Variants in CCNT2 observed in about 807,000 individuals in gnomAD.
CCNT2 encodes cyclin T2, also known as cyclin-T2.
In CCNT2, 18 loss-of-function variants were observed where a neutral mutation model predicts 70.0. The observed-to-expected ratio is 0.26, with a 90% confidence interval of 0.18 to 0.38. The LOEUF (loss-of-function observed/expected upper bound fraction) is 0.38, where lower values mean the gene tolerates loss of function less well. CCNT2 is among the 10% of genes least tolerant of loss of function. CCNT2 has a pLI of 1.00. For synonymous variants in CCNT2, 334 were observed against 313.3 expected, an observed-to-expected ratio of 1.07 and a Z score of -0.70; for missense variants, 734 against 890.2, an observed-to-expected ratio of 0.82 and a Z score of 2.23.
intron 2 of CCNT2, among the ~76,000 whole-genome samples, chr2:134,922,879 C>A (rs1680013561): frequency 6.6e-6 from 1 of 152,136 alleles, no homozygotes; most frequent in African/African-American, 2.4e-5. Context: ...ATGGTCTGTT[C>A]TCATAGCACA....
rs541611341 is a variant in CCNT2 at position 134,918,992 on chromosome 2, G to A, written c.138G>A (p.Glu46=). The change falls in exon 1 of 9, where the codon GAG becomes GAA. Residue 46 remains glutamate, a synonymous_variant. Transcript: ENST00000264157. ...CRQQAANLIQ[E]MGQRLNVSQL... Reference sequence around the variant, plus strand: ...AGCAGGCGGCCAACCTCATCCAGGAGATGGGACAGCGTCTCAATGTGTATC... The same window carrying A: ...AGCAGGCGGCCAACCTCATCCAGGAAATGGGACAGCGTCTCAATGTGTATC... 5.0e-6 allele frequency: 8 copies of A among 1,612,866 alleles called. No homozygotes were observed. Among genetic ancestry groups the A allele is most frequent in the East Asian group, 2.2e-5 (1 of 44,850 alleles).
rs898797652 is a variant in CCNT2, at chr2:134,958,020, G to A, written c.*3372G>A. On this transcript the variant is annotated 3_prime_UTR_variant, in exon 9 of 9. Transcript: ENST00000264157. The stretch of plus-strand genomic sequence containing the variant: ...GTACAAAATACCATTGCCTTAAAAG[G>A]TTTCAAGCACATTTTCTTTTCTATT... 4 of 152,106 alleles carry A rather than the reference G, an allele frequency of 2.6e-5. No homozygotes were observed. The highest frequency in any genetic ancestry group is 9.7e-5 in the African/African-American group (4 of 41,420). 9.4% of individuals were successfully genotyped at this position (152,106 alleles called of 1,614,324 possible).
At chr2:134,935,733 ATG>A (rs1397018413) in intron 2 of CCNT2, among the ~76,000 whole-genome samples, 3 of 151,888 alleles carry the variant, frequency 2.0e-5, no homozygotes, top group Non-Finnish European at 4.4e-5. Context: ...TTCAAACTTC[ATG>A]TTTCTCTGTC....
At chr2:134,941,401 A>G (rs1681569927) in intron 4 of CCNT2, among the ~76,000 whole-genome samples, 1 of 152,220 alleles carries the variant, frequency 6.6e-6, no homozygotes, top group South Asian at 2.1e-4. Context: ...TATGATACAT[A>G]TACAAAATAT....
intron 5 of CCNT2, chr2:134,945,175 T>TCCTG: frequency 1.0e-6 from 1 of 985,276 alleles, no homozygotes; most frequent in Non-Finnish European, 1.2e-6. Context: ...ATGTTGATGA[T>TCCTG]CCACATGGGG....
chr2:134,919,996 C>T lies in CCNT2; in HGVS notation c.240+105C>T, dbSNP rs1679766494. On this transcript the variant is annotated intron_variant, in intron 2 of 8. Coordinates refer to ENST00000264157, the MANE Select transcript of CCNT2 (RefSeq NM_058241.3). Reference sequence around the variant, plus strand: ...TGTTGGATTTAGTGTTCTGAATTAACGGTAAACGTATATCACGTGATAAAT... The same window carrying T: ...TGTTGGATTTAGTGTTCTGAATTAATGGTAAACGTATATCACGTGATAAAT... The T allele has an allele frequency of 5.6e-6, 4 of 719,826 alleles. No individual in the cohort carries two copies. The Admixed American group carries it at 7.3e-5, about 13-fold the overall frequency. 44.6% of individuals were successfully genotyped at this position (719,826 alleles called of 1,614,324 possible).
intron 7 of CCNT2, among the ~76,000 whole-genome samples, chr2:134,950,332 G>A (rs1008469519): frequency 6.6e-6 from 1 of 152,074 alleles, no homozygotes; most frequent in Non-Finnish European, 1.5e-5. Context: ...ACCATGTTTT[G>A]CAGCAGCTTT....
Position 134,949,811 on chromosome 2 carries a change from G to GC in CCNT2, c.703+1912_703+1913insC, listed in dbSNP as rs1553525571. 5.8e-3 allele frequency among the ~76,000 whole-genome samples: 760 copies of GC among 130,794 alleles called. 18 individuals are homozygous for GC. Among genetic ancestry groups the GC allele is most frequent in the Admixed American group, 9.1e-3 (116 of 12,786 alleles). The allele number at this position is 130,794 out of a possible 152,430, so 85.8% of individuals were successfully genotyped here. On this transcript the variant is annotated intron_variant, in intron 7 of 8. Coordinates refer to ENST00000264157, the MANE Select transcript of CCNT2 (RefSeq NM_058241.3). ...GGCAAAATTTTTTTTTCGGGGGGGGGGTGGGGGACAGAGTCTCAGTCGCCC... is the reference window on the plus strand; with the variant it reads ...GGCAAAATTTTTTTTTCGGGGGGGGGCGTGGGGGACAGAGTCTCAGTCGCCC...
chr2:134,943,795 G>T, intron 5 of CCNT2: 1 of 985,278 alleles, frequency 1.0e-6, no homozygotes, highest in Non-Finnish European at 1.2e-6. Flanking sequence ...AACCACTTGG[G>T]ACTTGTAATG....
At chr2:134,945,114 C>T (rs1356955633) in intron 5 of CCNT2, 1 of 985,328 alleles carries the variant, frequency 1.0e-6, no homozygotes, top group Non-Finnish European at 1.2e-6. Context: ...TGCTTTGACA[C>T]TCTTCCTTAG....
rs1181747518 is a variant in CCNT2, at chr2:134,956,367, A to G, written c.*1719A>G. 6.6e-6 allele frequency: 1 copy of G among 152,548 alleles called. No individual in the cohort carries two copies. The highest frequency in any genetic ancestry group is 2.4e-5 in the African/African-American group (1 of 41,440). 9.4% of individuals were successfully genotyped at this position (152,548 alleles called of 1,614,324 possible). A position where few individuals can be genotyped will look rare whatever the true frequency, so the allele number is the denominator to read the frequency against. On this transcript the variant is annotated 3_prime_UTR_variant, in exon 9 of 9. Coordinates refer to ENST00000264157, the MANE Select transcript of CCNT2 (RefSeq NM_058241.3). Reference sequence around the variant, plus strand: ...TTGGGGTACTTAGGAGCCTCTTTGTAGGGACTGTGCCTAGGTAGCATGTCC... The same window carrying G: ...TTGGGGTACTTAGGAGCCTCTTTGTGGGGACTGTGCCTAGGTAGCATGTCC...
At chr2:134,924,280 T>G (rs1680119123) in intron 2 of CCNT2, among the ~76,000 whole-genome samples, 1 of 152,240 alleles carries the variant, frequency 6.6e-6, no homozygotes. Context: ...ATGAGTGTTT[T>G]CTTTTTAATT....
chr2:134,939,067 G>A lies in CCNT2; in HGVS notation c.430+5G>A, dbSNP rs773729650. The A allele has an allele frequency of 2.5e-6, 4 of 1,593,226 alleles. No homozygotes were observed. Among genetic ancestry groups the A allele is most frequent in the Admixed American group, 3.3e-5 (2 of 59,880 alleles). On this transcript the variant is annotated splice_donor_5th_base_variant and intron_variant, in intron 4 of 8. Coordinates refer to ENST00000264157, the MANE Select transcript of CCNT2 (RefSeq NM_058241.3). Reference sequence around the variant, plus strand: ...CCATAATGCTACAAACTCTAGGTACGTACTTACATCAGATAATGGCTTTTT... The same window carrying A: ...CCATAATGCTACAAACTCTAGGTACATACTTACATCAGATAATGGCTTTTT...
intron 2 of CCNT2, among the ~76,000 whole-genome samples, chr2:134,933,904 T>C (rs984717869): frequency 1.3e-5 from 2 of 152,210 alleles, no homozygotes; most frequent in Non-Finnish European, 2.9e-5. Flanking sequence ...ATTTCTCCCA[T>C]TTTACAGATG....
intron 2 of CCNT2, among the ~76,000 whole-genome samples, chr2:134,936,071 A>AT (rs1286501678): frequency 6.6e-6 from 1 of 151,150 alleles, no homozygotes; most frequent in Admixed American, 6.6e-5. Flanking sequence ...TCATTGCTTG[A>AT]TTTTTTAAAA....
intron 2 of CCNT2, among the ~76,000 whole-genome samples, chr2:134,924,507 T>C (rs559287998): frequency 6.6e-6 from 1 of 152,240 alleles, no homozygotes; most frequent in African/African-American, 2.4e-5. Context: ...TGGAGTGCAG[T>C]GGTGCAATCT....
At chr2:134,926,648 T>C (rs1254472378) in intron 2 of CCNT2, among the ~76,000 whole-genome samples, 1 of 152,246 alleles carries the variant, frequency 6.6e-6, no homozygotes, top group Admixed American at 6.5e-5. Flanking sequence ...TTTGGCTCTT[T>C]GAGGTTCTTC....
intron 6 of CCNT2, 65 bp downstream of exon 6, chr2:134,946,211 C>A: frequency 6.5e-7 from 1 of 1,544,162 alleles, no homozygotes; most frequent in Non-Finnish European, 8.9e-7. Flanking sequence ...AATGCAGGGC[C>A]CCCTCAATGT....
intron 2 of CCNT2, among the ~76,000 whole-genome samples, chr2:134,926,856 A>G (rs1444306603): frequency 6.6e-6 from 1 of 152,162 alleles, no homozygotes; most frequent in African/African-American, 2.4e-5. Context: ...GTGGGGATTT[A>G]AGTATCCCCT....
Sources: allele counts gnomAD v4.1 joint callset (sites outside exome capture counted in the v4.1 genomes callset), GRCh38; gene constraint gnomAD v4.1.1; transcripts MANE v1.5; gene names NCBI Gene and HGNC (gene_info 2026-07-23, HGNC 2026-07-21).